The following RELCH variants were observed in gnomAD, a reference collection of about 807,000 sequenced individuals.
RELCH encodes the protein RAB11-binding protein RELCH.
In RELCH, 41 loss-of-function variants were observed where a neutral mutation model predicts 150.3. The ratio of observed to expected loss-of-function variants is 0.27; its 90% CI spans 0.21 to 0.35. The LOEUF is 0.35. Ranked by LOEUF, RELCH falls within the 10% of genes least tolerant of loss-of-function variation. The pLI is 1.00. For synonymous variants in RELCH, 478 were observed against 531.8 expected, an observed-to-expected ratio of 0.90 and a Z score of 1.39; for missense variants, 1,092 against 1,467.8, an observed-to-expected ratio of 0.74 and a Z score of 4.18.
In RELCH at chr18:62,227,269, GTTT is replaced by G; in HGVS notation, c.859-12_859-10del. 1 of 1,308,250 alleles carries G rather than the reference GTTT, an allele frequency of 7.6e-7. No homozygotes were observed. The highest frequency in any genetic ancestry group is 1.0e-6 in the Non-Finnish European group (1 of 956,414). The allele number at this position is 1,308,250 out of a possible 1,614,324, so 81.0% of individuals were successfully genotyped here. On this transcript the variant is annotated splice_polypyrimidine_tract_variant and intron_variant, in intron 5 of 28. Transcript: ENST00000644646. The stretch of plus-strand genomic sequence containing the variant: ...TAAAATTTCCTCGAAGATTTTTTAT[GTTT>G]TTTTTTTATCTTTTAGGATTTTGAA...
At chr18:62,206,316 G>A (rs2039775544) in intron 1 of RELCH, among the ~76,000 whole-genome samples, 1 of 152,182 alleles carries the variant, frequency 6.6e-6, no homozygotes, top group South Asian at 2.1e-4. Context: ...AAACTGCAGG[G>A]AAATTAAATG....
At chr18:62,249,454 A>G (rs1216812901) in intron 11 of RELCH, among the ~76,000 whole-genome samples, 2 of 152,204 alleles carry the variant, frequency 1.3e-5, no homozygotes, top group African/African-American at 2.4e-5. Context: ...CTATATTAGT[A>G]CCATTCATTG....
intron 1 of RELCH, among the ~76,000 whole-genome samples, chr18:62,198,515 G>A (rs774966765): frequency 5.3e-5 from 8 of 152,144 alleles, no homozygotes; most frequent in Non-Finnish European, 8.8e-5. Flanking sequence ...CCTGTTGTGG[G>A]TGGATAAGAT....
Position 62,231,189 on chromosome 18 carries a change from T to C in RELCH, c.1449-5T>C, listed in dbSNP as rs564813537. ...ATTGTCTCTTTTTCATACATTTTCT[T>C]CTAGGAAATTGTCTCCTGCATTCCA... On this transcript the variant is annotated splice_polypyrimidine_tract_variant and splice_region_variant and intron_variant, in intron 8 of 28. Transcript: ENST00000644646. 1.0e-4 allele frequency: 162 copies of C among 1,566,310 alleles called. 3 individuals are homozygous for C. The South Asian group carries it at 1.7e-3, about 17-fold the overall frequency.
intron 8 of RELCH, among the ~76,000 whole-genome samples, chr18:62,230,863 A>G (rs982668800): frequency 2.6e-5 from 4 of 152,044 alleles, no homozygotes; most frequent in East Asian, 3.9e-4. Context: ...GGGTTGGAGA[A>G]AGTCCTCATT....
chr18:62,279,230 T>C (rs2044374306), intron 22 of RELCH, among the ~76,000 whole-genome samples: 1 of 152,180 alleles, frequency 6.6e-6, no homozygotes, highest in Non-Finnish European at 1.5e-5. Context: ...GCCTTATATC[T>C]CTGTACCTCA....
chr18:62,228,201 C>A, intron 7 of RELCH, 104 bp from the exon 8 acceptor site: 1 of 932,738 alleles, frequency 1.1e-6, no homozygotes, highest in Non-Finnish European at 1.6e-6. Flanking sequence ...GCTACTAATA[C>A]TTTTAAATAT....
Position 62,282,294 on chromosome 18 carries a change from T to C in RELCH, c.3115-12T>C. On this transcript the variant is annotated splice_polypyrimidine_tract_variant and intron_variant, in intron 24 of 28. Coordinates refer to ENST00000644646, the MANE Select transcript of RELCH (RefSeq NM_001346231.2). The stretch of plus-strand genomic sequence containing the variant: ...TATTCTATGAAATGACTGTACAATA[T>C]CCAATTTTAAGTTGCTGGAAAGAGT... The C allele has an allele frequency of 6.2e-7, 1 of 1,609,556 alleles. No homozygotes were observed. Among genetic ancestry groups the C allele is most frequent in the African/African-American group, 1.3e-5 (1 of 74,914 alleles).
intron 15 of RELCH, among the ~76,000 whole-genome samples, chr18:62,258,985 C>T (rs2043127535): frequency 6.6e-6 from 1 of 151,982 alleles, no homozygotes; most frequent in Non-Finnish European, 1.5e-5. Context: ...AAATATTTTA[C>T]ACAAACCATC....
At position 62,268,902 on chromosome 18, in the gene RELCH, C is replaced by A; in HGVS notation, c.2714C>A (p.Ala905Asp). The A allele has an allele frequency of 6.4e-7, 1 of 1,551,606 alleles. No individual in the cohort carries two copies. The highest frequency in any genetic ancestry group is 8.7e-7 in the Non-Finnish European group (1 of 1,145,204). ...SSAGNGVLTK[A>D]TVPIYATGVL... ...GCAGGAAATGGGGTCCTCACTAAAG[C>A]TACAGTCCCCATTTATGCAACAGGA... Residue 905 changes from alanine (A) to aspartate (D), a missense_variant, in exon 20 of 29, where the codon GCT (alanine) becomes GAT (aspartate). By Grantham distance (126) the Ala-to-Asp change is moderately radical (BLOSUM62 -2). Coordinates refer to ENST00000644646, the MANE Select transcript of RELCH (RefSeq NM_001346231.2).
At chr18:62,298,089 T>C (rs2045500197) in intron 27 of RELCH, among the ~76,000 whole-genome samples, 1 of 146,588 alleles carries the variant, frequency 6.8e-6, no homozygotes, top group Non-Finnish European at 1.5e-5. Flanking sequence ...TTTTATTTGC[T>C]TTATCCCCCC....
chr18:62,261,643 G>T lies in RELCH; in HGVS notation c.2335G>T (p.Val779Leu). ...CAGCAAAGCCAAGCTTCATGGTGAA[G>T]TGCCACAGATAGAAGGTACTGAACT... ...FSSKAKLHGE[V>L]PQIEVTRFPR... The change falls in exon 16 of 29, where the codon GTG (valine) becomes TTG (leucine). Residue 779 changes from valine (V) to leucine (L), a missense_variant. By Grantham distance (32) the Val-to-Leu change is conservative. Transcript: ENST00000644646. 1 of 1,611,246 alleles carries T rather than the reference G, an allele frequency of 6.2e-7. No homozygotes were observed. The highest frequency in any genetic ancestry group is 2.2e-5 in the East Asian group (1 of 44,744).
chr18:62,301,448 T>C (rs1330162833), intron 28 of RELCH, among the ~76,000 whole-genome samples: 4 of 152,226 alleles, frequency 2.6e-5, no homozygotes, highest in African/African-American at 9.6e-5. Flanking sequence ...GAAAGCAGCC[T>C]TTGGCAATAT....
At chr18:62,279,910 C>A in intron 23 of RELCH, 54 bp downstream of exon 23, 1 of 1,093,946 alleles carries the variant, frequency 9.1e-7, no homozygotes, top group South Asian at 1.3e-5. Flanking sequence ...ATGTGCCTGT[C>A]AAGAAATAAC....
chr18:62,286,812 TA>T (rs1484105999), intron 25 of RELCH, among the ~76,000 whole-genome samples: 1 of 152,206 alleles, frequency 6.6e-6, no homozygotes, highest in East Asian at 1.9e-4. Flanking sequence ...TTGAGGGTAT[TA>T]AACTCATTGA....
intron 1 of RELCH, among the ~76,000 whole-genome samples, chr18:62,208,573 C>T (rs2039962163): frequency 6.6e-6 from 1 of 151,784 alleles, no homozygotes; most frequent in Non-Finnish European, 1.5e-5. Context: ...AGTTGTGTTA[C>T]GGGGATTTGT....
chr18:62,285,263 G>A (rs530636668), intron 25 of RELCH, among the ~76,000 whole-genome samples: 2 of 152,102 alleles, frequency 1.3e-5, no homozygotes, highest in Admixed American at 6.6e-5. Context: ...TCAGCCTCCC[G>A]AGTAGCTGGG....
Position 62,279,734 on chromosome 18 carries a change from C to T in RELCH, c.2968-40C>T, listed in dbSNP as rs574348278. 9.8e-6 allele frequency: 13 copies of T among 1,326,354 alleles called. No individual in the cohort carries two copies. The Admixed American group carries it at 1.0e-4, about 10-fold the overall frequency. 82.2% of individuals were successfully genotyped at this position (1,326,354 alleles called of 1,614,324 possible). Reference sequence around the variant, plus strand: ...CGTGGCGCACTGTGTTTGCTCTTTCCGTGCATCACCTGTGAATACCCCCTG... The same window carrying T: ...CGTGGCGCACTGTGTTTGCTCTTTCTGTGCATCACCTGTGAATACCCCCTG... On this transcript the variant is annotated intron_variant, in intron 22 of 28. Coordinates refer to ENST00000644646, the MANE Select transcript of RELCH (RefSeq NM_001346231.2).
chr18:62,207,630 A>G (rs765159053), intron 1 of RELCH, among the ~76,000 whole-genome samples: 14 of 152,206 alleles, frequency 9.2e-5, no homozygotes, highest in Non-Finnish European at 1.9e-4. Context: ...CAATTTCTTC[A>G]CATTGTCACC....
Sources: gnomAD v4.1 joint callset for allele counts (sites outside exome capture counted in the v4.1 genomes callset) on GRCh38, gnomAD v4.1.1 for gene constraint, MANE v1.5 for transcripts, NCBI Gene and HGNC (gene_info 2026-07-23, HGNC 2026-07-21) for gene names.